TGFBR3: variants seen among roughly 807,000 people sequenced by gnomAD.
TGFBR3 encodes transforming growth factor beta receptor 3, also known as transforming growth factor beta receptor type 3.
In TGFBR3, 46 loss-of-function variants were observed where a neutral mutation model predicts 87.9. That is an observed-to-expected ratio of 0.52 (90% CI 0.41 to 0.67). The LOEUF (loss-of-function observed/expected upper bound fraction) is 0.67, where lower values mean the gene tolerates loss of function less well. Ranked by LOEUF, TGFBR3 falls within the 30% of genes least tolerant of loss-of-function variation. TGFBR3 has a pLI of 0.00. For missense variants in TGFBR3, 866 were observed against 1,041.9 expected, an observed-to-expected ratio of 0.83 and a Z score of 2.32; for synonymous variants, 381 against 391.6, an observed-to-expected ratio of 0.97 and a Z score of 0.32.
intron 4 of TGFBR3, among the ~76,000 whole-genome samples, chr1:91,736,119 C>T (rs541172918): frequency 2.6e-5 from 4 of 151,860 alleles, no homozygotes; most frequent in Admixed American, 6.5e-5. Context: ...CTTCTAAAAA[C>T]GCTGGCAAAA....
intron 14 of TGFBR3, among the ~76,000 whole-genome samples, chr1:91,705,644 G>A (rs142508561): frequency 0.013 from 1,946 of 152,320 alleles, 44 homozygotes; most frequent in African/African-American, 0.044. Flanking sequence ...CTTAAAAGGT[G>A]AGAGGAGTCA....
rs377255338 is a variant in TGFBR3, at chr1:91,898,899, C to A, written c.-114+738G>T. 1.2e-3 allele frequency among the ~76,000 whole-genome samples: 187 copies of A among 152,172 alleles called. 4 individuals are homozygous for A. The South Asian group carries it at 0.037, about 30-fold the overall frequency. On this transcript the variant is annotated intron_variant, in intron 2 of 17. Coordinates refer to the TGFBR3 transcript ENST00000370399. The stretch of plus-strand genomic sequence containing the variant: ...TCATTTCTCTTAGCTGCTATATATC[C>A]CTTGCATTACTATACTATTACAATT...
chr1:91,684,045 T>C (rs1345384762), intron 16 of TGFBR3, among the ~76,000 whole-genome samples, 188 bp from the exon 17 acceptor site: 1 of 152,250 alleles, frequency 6.6e-6, no homozygotes, highest in Non-Finnish European at 1.5e-5. Flanking sequence ...TTTGTTGTTT[T>C]ATTTTTAAAG....
intron 4 of TGFBR3, among the ~76,000 whole-genome samples, chr1:91,745,156 G>A (rs778998023): frequency 5.9e-5 from 9 of 152,166 alleles, no homozygotes; most frequent in African/African-American, 9.7e-5. Context: ...ACACATGTCC[G>A]TGACTTTGGC....
intron 4 of TGFBR3, among the ~76,000 whole-genome samples, chr1:91,738,148 G>A (rs1673026019): frequency 6.6e-6 from 1 of 152,164 alleles, no homozygotes; most frequent in African/African-American, 2.4e-5. Flanking sequence ...AACTGGAACT[G>A]GGGCACTGGC....
At chr1:91,890,400 C>A, upstream of TGFBR3, among the ~76,000 whole-genome samples, 1 of 102,072 alleles carries the variant, frequency 9.8e-6, no homozygotes. Context: ...TTGGTTGTTT[C>A]TCTATAATCT....
rs17883845 is a variant in TGFBR3, at chr1:91,694,902, TAAGA to T, written c.2437+766_2437+769del. Among the ~76,000 whole-genome samples the T allele has an allele frequency of 4.1e-3, 631 of 152,282 alleles. 4 individuals carry two copies. The highest frequency in any genetic ancestry group is 0.015 in the African/African-American group (607 of 41,560). ...CTCCTGCCCATAGTTGAAAGGAAAC[TAAGA>T]AAGAATCAATAGCAGGACAATCCAT... On this transcript the variant is annotated intron_variant, in intron 16 of 16. Transcript: ENST00000212355.
intron 16 of TGFBR3, among the ~76,000 whole-genome samples, chr1:91,692,808 T>G (rs1367507017): frequency 6.6e-6 from 1 of 152,214 alleles, no homozygotes; most frequent in Non-Finnish European, 1.5e-5. Context: ...ATTCCAGGTA[T>G]GTAAGTAGAT....
intron 4 of TGFBR3, among the ~76,000 whole-genome samples, chr1:91,747,887 G>A (rs934230303): frequency 1.6e-4 from 25 of 152,284 alleles, no homozygotes; most frequent in African/African-American, 6.0e-4. Flanking sequence ...GCCTCCCTGC[G>A]GACTTTGATT....
chr1:91,821,453 T>A (rs1676449698), intron 2 of TGFBR3, among the ~76,000 whole-genome samples: 1 of 152,154 alleles, frequency 6.6e-6, no homozygotes, highest in African/African-American at 2.4e-5. Context: ...TAATTAAAAA[T>A]TTAAAAATAT....
chr1:91,727,893 G>A lies in TGFBR3; in HGVS notation c.738-87C>T, dbSNP rs756904055. The A allele has an allele frequency of 3.9e-5, 59 of 1,513,768 alleles. 1 individual carries two copies. The highest frequency in any genetic ancestry group is 5.4e-5 in the Non-Finnish European group (59 of 1,102,208). 93.8% of individuals were successfully genotyped at this position (1,513,768 alleles called of 1,614,324 possible). On this transcript the variant is annotated intron_variant, in intron 6 of 16. Coordinates refer to ENST00000212355, the MANE Select transcript of TGFBR3 (RefSeq NM_003243.5). ...CCTCTTCCAAGTCTTCATGTTTCTA[G>A]TGTCTGGCCAGTTGATTAAAAAGCT...
At position 91,680,945 on chromosome 1, in the gene TGFBR3, G is replaced by C. The variant is rs946528410; in HGVS notation, c.*2794C>G. 18 of 453,976 alleles carry C rather than the reference G, an allele frequency of 4.0e-5. No individual in the cohort carries two copies. Among genetic ancestry groups the C allele is most frequent in the African/African-American group, 2.8e-4 (14 of 49,996 alleles). The allele number at this position is 453,976 out of a possible 1,614,324, so 28.1% of individuals were successfully genotyped here. On this transcript the variant is annotated 3_prime_UTR_variant, in exon 17 of 17. Transcript: ENST00000212355. Reference sequence around the variant, plus strand: ...CTTTTTAAAATACAGAGTAACAGCTGGTAAACACCACATGGTGAAAAGCTA... The same window carrying C: ...CTTTTTAAAATACAGAGTAACAGCTCGTAAACACCACATGGTGAAAAGCTA...
chr1:91,685,009 C>T (rs373097478), intron 16 of TGFBR3, among the ~76,000 whole-genome samples: 1 of 152,166 alleles, frequency 6.6e-6, no homozygotes, highest in Admixed American at 6.5e-5. Context: ...AGGCCCTGCC[C>T]TCCAGTGCAG....
chr1:91,685,758 T>C (rs1421494958), intron 16 of TGFBR3, among the ~76,000 whole-genome samples: 1 of 152,172 alleles, frequency 6.6e-6, no homozygotes, highest in Non-Finnish European at 1.5e-5. Flanking sequence ...AAAAATTCAC[T>C]TTCCCCAGAG....
chr1:91,705,225 C>CT (rs35620891), intron 14 of TGFBR3, among the ~76,000 whole-genome samples: 38,669 of 135,718 alleles, frequency 0.28, 5,669 homozygotes, highest in South Asian at 0.36. Context: ...AGTCTCTTTT[C>CT]TTTTTTTTTT....
intron 3 of TGFBR3, among the ~76,000 whole-genome samples, chr1:91,791,154 T>C (rs183318194): frequency 6.6e-6 from 1 of 152,278 alleles, no homozygotes; most frequent in East Asian, 1.9e-4. Context: ...GAAGAGTCAG[T>C]TAATATGCTA....
chr1:91,855,915 T>C (rs1229898494), intron 2 of TGFBR3, among the ~76,000 whole-genome samples: 1 of 152,200 alleles, frequency 6.6e-6, no homozygotes, highest in South Asian at 2.1e-4. Context: ...CTCTCTTTTT[T>C]TTTTAACCCA....
chr1:91,690,223 A>G (rs897001304), intron 16 of TGFBR3, among the ~76,000 whole-genome samples: 2 of 152,160 alleles, frequency 1.3e-5, no homozygotes, highest in African/African-American at 4.8e-5. Context: ...TGGCTGAACT[A>G]TATGAGAAGC....
At chr1:91,839,183 G>T (rs1677174960) in intron 2 of TGFBR3, among the ~76,000 whole-genome samples, 1 of 152,016 alleles carries the variant, frequency 6.6e-6, no homozygotes, top group Non-Finnish European at 1.5e-5. Flanking sequence ...TCGCTGTGTT[G>T]ACCAGCCTGG....
Sources: allele counts gnomAD v4.1 joint callset (sites outside exome capture counted in the v4.1 genomes callset), GRCh38; gene constraint gnomAD v4.1.1; transcripts MANE v1.5; gene names NCBI Gene and HGNC (gene_info 2026-07-23, HGNC 2026-07-21).